Variants in CEP128 observed in about 807,000 individuals in gnomAD.
CEP128 encodes centrosomal protein 128.
Under a neutral mutation model 156.7 loss-of-function variants are expected in CEP128, and 132 were observed. That is an observed-to-expected ratio of 0.84 (90% CI 0.73 to 0.97). The LOEUF (loss-of-function observed/expected upper bound fraction) is 0.97. Among genes scored for constraint, CEP128 ranks in the 50% least tolerant of loss-of-function variants. The pLI, the probability that CEP128 is intolerant of heterozygous loss-of-function variation, is 0.00. For missense variants in CEP128, 1,252 were observed against 1,281.9 expected (o/e 0.98, Z 0.36); for synonymous variants, 469 against 448.9 (o/e 1.04, Z -0.57).
At chr14:80,781,899 C>T (rs1400399054) in intron 15 of CEP128, among the ~76,000 whole-genome samples, 2 of 152,172 alleles carry the variant, frequency 1.3e-5, no homozygotes, top group African/African-American at 4.8e-5. Flanking sequence ...TAACTCCTGA[C>T]CATTGTGTTG....
chr14:80,549,163 A>G (rs1890110435), intron 21 of CEP128, among the ~76,000 whole-genome samples: 1 of 152,188 alleles, frequency 6.6e-6, no homozygotes, highest in African/African-American at 2.4e-5. Context: ...GTTTCACCCA[A>G]GATCCCTCAT....
At position 80,917,803 on chromosome 14, in the gene CEP128, A is replaced by T. The variant is rs141352058; in HGVS notation, c.-15-1241T>A. ...ATGTATACATGTCCTAAAGCATTTA[A>T]TGAAAGCAACTGTGTTTTTAAAATA... On this transcript the variant is annotated intron_variant, in intron 2 of 24. Coordinates refer to ENST00000555265, the MANE Select transcript of CEP128 (RefSeq NM_152446.5). Among the ~76,000 whole-genome samples, 101 of 152,398 alleles carry T rather than the reference A, an allele frequency of 6.6e-4. 2 individuals carry two copies. The highest frequency in any genetic ancestry group is 3.4e-3 in the Middle Eastern group (1 of 294).
At chr14:80,616,073 T>C (rs1215516922) in intron 19 of CEP128, among the ~76,000 whole-genome samples, 2 of 152,278 alleles carry the variant, frequency 1.3e-5, no homozygotes, top group South Asian at 2.1e-4. Flanking sequence ...GTGCTTTACT[T>C]AGAAAAGAGT....
chr14:80,828,033 C>T (rs948681959), intron 13 of CEP128, among the ~76,000 whole-genome samples: 2 of 152,052 alleles, frequency 1.3e-5, no homozygotes, highest in African/African-American at 4.8e-5. Context: ...TGTAAGGGCA[C>T]CAAAGTTCAC....
chr14:80,926,476 A>C (rs1456025874), intron 2 of CEP128, among the ~76,000 whole-genome samples: 5 of 152,110 alleles, frequency 3.3e-5, no homozygotes, highest in African/African-American at 1.2e-4. Context: ...CTGCCCTCTA[A>C]TCCCCATTGG....
At chr14:80,700,552 A>AC (rs149256498) in intron 19 of CEP128, among the ~76,000 whole-genome samples, 10,136 of 152,192 alleles carry the variant, frequency 0.067, 1,112 homozygotes, top group African/African-American at 0.23. Flanking sequence ...TATTTCAGAG[A>AC]CCATATATGT....
At chr14:80,674,563 CTTTA>C (rs977953092) in intron 19 of CEP128, among the ~76,000 whole-genome samples, 4 of 151,962 alleles carry the variant, frequency 2.6e-5, no homozygotes, top group African/African-American at 7.2e-5. Flanking sequence ...AAGAACATTT[CTTTA>C]TTAAGTTTTA....
intron 9 of CEP128, among the ~76,000 whole-genome samples, chr14:80,848,770 T>C (rs1358788934): frequency 6.6e-6 from 1 of 151,604 alleles, no homozygotes; most frequent in Non-Finnish European, 1.5e-5. Context: ...AATAAACCAT[T>C]GATTAGCCAG....
At position 80,781,176 on chromosome 14, in the gene CEP128, C is replaced by T. The variant is rs375691292; in HGVS notation, c.2212-3130G>A. ...GTTGGAGAGCATAAAAGGTAATGAA[C>T]GCGCCAGGCAGTGGCTCATGCCTGT... On this transcript the variant is annotated intron_variant, in intron 15 of 24. Transcript: ENST00000555265. 2.2e-4 allele frequency among the ~76,000 whole-genome samples: 34 copies of T among 152,152 alleles called. 5 individuals carry two copies. The highest frequency in any genetic ancestry group is 8.5e-4 in the Admixed American group (13 of 15,280).
At position 80,885,093 on chromosome 14, in the gene CEP128, A is replaced by T. The variant is rs566506970; in HGVS notation, c.645+10625T>A. On this transcript the variant is annotated intron_variant, in intron 8 of 24. Transcript: ENST00000555265. ...CTCTCTAGATTCCTCCTCACTGGGCAGGACATCTCTGAAAGAAAGGCAGCA... is the reference window on the plus strand; with the variant it reads ...CTCTCTAGATTCCTCCTCACTGGGCTGGACATCTCTGAAAGAAAGGCAGCA... Among the ~76,000 whole-genome samples the T allele has an allele frequency of 2.0e-5, 3 of 152,336 alleles. No individual in the cohort carries two copies. In the East Asian group the frequency reaches 5.8e-4, roughly 29 times the overall value.
At chr14:80,951,479 T>C (rs1444292731) in intron 2 of CEP128, among the ~76,000 whole-genome samples, 1 of 152,100 alleles carries the variant, frequency 6.6e-6, no homozygotes, top group Non-Finnish European at 1.5e-5. Flanking sequence ...GTACATGCTA[T>C]AAACCTTAAA....
At chr14:80,894,224 A>G (rs967631931) in intron 8 of CEP128, among the ~76,000 whole-genome samples, 1 of 152,018 alleles carries the variant, frequency 6.6e-6, no homozygotes, top group African/African-American at 2.4e-5. Context: ...GAAAAAAAGA[A>G]GACAGAACTT....
chr14:80,797,619 C>T (rs1487846322), intron 13 of CEP128, among the ~76,000 whole-genome samples: 2 of 152,100 alleles, frequency 1.3e-5, no homozygotes, highest in African/African-American at 4.8e-5. Flanking sequence ...CCTCAAATAA[C>T]CAATCAGAAA....
chr14:80,697,368 A>T (rs1003601447), intron 19 of CEP128, among the ~76,000 whole-genome samples: 4 of 152,138 alleles, frequency 2.6e-5, no homozygotes, highest in Non-Finnish European at 4.4e-5. Context: ...TTTTCATGCC[A>T]TGATTATGTA....
At chr14:80,892,904 T>A (rs1889169967) in intron 8 of CEP128, among the ~76,000 whole-genome samples, 1 of 151,778 alleles carries the variant, frequency 6.6e-6, no homozygotes, top group South Asian at 2.1e-4. Context: ...AAATAACAAA[T>A]GTTGACAAGA....
intron 9 of CEP128, among the ~76,000 whole-genome samples, chr14:80,860,710 T>G (rs1887473257): frequency 6.6e-6 from 1 of 152,070 alleles, no homozygotes; most frequent in Admixed American, 6.5e-5. Flanking sequence ...AGGGTATGTC[T>G]TCTTTTGTGA....
At position 80,656,279 on chromosome 14, in the gene CEP128, TTATATATATATTTATA is replaced by T. The variant is rs1427762999; in HGVS notation, c.2807-75872_2807-75857del. 2.7e-3 allele frequency among the ~76,000 whole-genome samples: 126 copies of T among 47,090 alleles called. 12 individuals are homozygous for T. Among genetic ancestry groups the T allele is most frequent in the African/African-American group, 9.6e-3 (119 of 12,428 alleles). The allele number at this position is 47,090 out of a possible 152,430, so 30.9% of individuals were successfully genotyped here. The stretch of plus-strand genomic sequence containing the variant: ...TTTCTCAATAAACCTAAGTTTTTAT[TTATATATATATTTATA>T]TATATATATATATATATATATATAT... On this transcript the variant is annotated intron_variant, in intron 19 of 24. Transcript: ENST00000555265.
At chr14:80,544,726 A>G (rs1307933537) in intron 21 of CEP128, among the ~76,000 whole-genome samples, 1 of 152,110 alleles carries the variant, frequency 6.6e-6, no homozygotes, top group Non-Finnish European at 1.5e-5. Flanking sequence ...TCATTCCTCT[A>G]TTTTCATATT....
At chr14:80,708,567 T>C (rs1897300134) in intron 19 of CEP128, among the ~76,000 whole-genome samples, 1 of 152,154 alleles carries the variant, frequency 6.6e-6, no homozygotes, top group African/African-American at 2.4e-5. Flanking sequence ...GTTACATATG[T>C]ATCCATGTGC....
Sources: gnomAD v4.1 joint callset for allele counts (sites outside exome capture counted in the v4.1 genomes callset) on GRCh38, gnomAD v4.1.1 for gene constraint, MANE v1.5 for transcripts, NCBI Gene and HGNC (gene_info 2026-07-23, HGNC 2026-07-21) for gene names.